QKI: variants seen among roughly 807,000 people sequenced by gnomAD.
The protein encoded by QKI is QKI, KH domain containing RNA binding, also known as KH domain-containing RNA-binding protein QKI.
Under a neutral mutation model 39.0 loss-of-function variants are expected in QKI, and 10 were observed. The ratio of observed to expected loss-of-function variants is 0.26; its 90% CI spans 0.16 to 0.43. The LOEUF is 0.43. Ranked by LOEUF, QKI falls within the 20% of genes least tolerant of loss-of-function variation. The pLI is 1.00. For synonymous variants in QKI, 204 were observed against 155.4 expected, an observed-to-expected ratio of 1.31 and a Z score of -2.33; for missense variants, 218 against 428.0, an observed-to-expected ratio of 0.51 and a Z score of 4.33.
intron 1 of QKI, among the ~76,000 whole-genome samples, chr6:163,433,299 T>C (rs768264527): frequency 1.8e-4 from 28 of 152,146 alleles, no homozygotes; most frequent in Non-Finnish European, 3.5e-4. Flanking sequence ...GCTTGAAGCC[T>C]GAGAAGGGGG....
At chr6:163,524,585 C>T (rs1780360721) in intron 3 of QKI, among the ~76,000 whole-genome samples, 1 of 152,182 alleles carries the variant, frequency 6.6e-6, no homozygotes, top group African/African-American at 2.4e-5. Flanking sequence ...TCTCCTGCCT[C>T]AGCCTCCCTA....
intron 3 of QKI, among the ~76,000 whole-genome samples, chr6:163,532,046 A>G (rs983181040): frequency 6.6e-6 from 1 of 152,236 alleles, no homozygotes; most frequent in Non-Finnish European, 1.5e-5. Context: ...CAAGTGTTTT[A>G]CACCTTAAAA....
chr6:163,534,121 C>T (rs1410264462), intron 3 of QKI, among the ~76,000 whole-genome samples: 1 of 152,104 alleles, frequency 6.6e-6, no homozygotes, highest in Non-Finnish European at 1.5e-5. Flanking sequence ...AAAACACTTT[C>T]TCTAAAACTT....
intron 2 of QKI, among the ~76,000 whole-genome samples, chr6:163,467,568 G>A (rs77166711): frequency 0.022 from 3,410 of 152,228 alleles, 42 homozygotes; most frequent in Non-Finnish European, 0.034. Flanking sequence ...TACGTAACAT[G>A]TGCCATGTGT....
At chr6:163,520,009 A>C (rs1780052551) in intron 3 of QKI, among the ~76,000 whole-genome samples, 1 of 152,176 alleles carries the variant, frequency 6.6e-6, no homozygotes, top group South Asian at 2.1e-4. Context: ...TACCCTTTGA[A>C]AATACTTTCT....
intron 1 of QKI, among the ~76,000 whole-genome samples, chr6:163,434,183 A>G (rs1212782562): frequency 6.6e-6 from 1 of 152,154 alleles, no homozygotes; most frequent in African/African-American, 2.4e-5. Flanking sequence ...TAATGAAAAT[A>G]GAAGCTGCAA....
At chr6:163,545,014 C>G (rs1056773780) in intron 4 of QKI, among the ~76,000 whole-genome samples, 2 of 152,032 alleles carry the variant, frequency 1.3e-5, no homozygotes, top group Admixed American at 6.6e-5. Context: ...AGATAATGTC[C>G]TAAAATCTCA....
intron 2 of QKI, among the ~76,000 whole-genome samples, chr6:163,470,016 A>C (rs1792064569): frequency 6.6e-6 from 1 of 152,206 alleles, no homozygotes; most frequent in Admixed American, 6.5e-5. Context: ...ATTCCAGGAA[A>C]ATAGGATACA....
chr6:163,538,216 A>C (rs947333683), intron 4 of QKI, among the ~76,000 whole-genome samples: 1 of 152,228 alleles, frequency 6.6e-6, no homozygotes, highest in African/African-American at 2.4e-5. Flanking sequence ...CTGACCAGCA[A>C]AGTGCCTGCC....
intron 4 of QKI, among the ~76,000 whole-genome samples, chr6:163,542,521 T>C (rs914771118): frequency 5.9e-5 from 9 of 152,034 alleles, no homozygotes; most frequent in African/African-American, 9.7e-5. Context: ...ATTGGGGAGA[T>C]AGAGTACTAA....
At chr6:163,416,534 G>A (rs1787519247) in intron 1 of QKI, 1 of 152,226 alleles carries the variant, frequency 6.6e-6, no homozygotes, top group Non-Finnish European at 1.5e-5. Flanking sequence ...AGAATTTCGA[G>A]ATTTTAAAAA....
At chr6:163,464,634 C>G (rs762371859) in intron 2 of QKI, among the ~76,000 whole-genome samples, 1 of 152,100 alleles carries the variant, frequency 6.6e-6, no homozygotes, top group African/African-American at 2.4e-5. Context: ...AGGACCACAT[C>G]ATGAAGGAAC....
chr6:163,504,265 G>A (rs1778960511), intron 3 of QKI, among the ~76,000 whole-genome samples: 1 of 152,052 alleles, frequency 6.6e-6, no homozygotes, highest in African/African-American at 2.4e-5. Context: ...CTGTAGCCTT[G>A]TATTATAGTT....
In QKI at chr6:163,415,088, A is replaced by G. The variant is rs1382318248; in HGVS notation, c.-106A>G. On this transcript the variant is annotated 5_prime_UTR_variant, in exon 1 of 8. Coordinates refer to ENST00000361752, the MANE Select transcript of QKI (RefSeq NM_006775.3). Reference sequence around the variant, plus strand: ...AGAGCGGGAGCCGGCGCGGAGCGGGACGCCGGGTCCCGAGCGGCCCGCGGC... The same window carrying G: ...AGAGCGGGAGCCGGCGCGGAGCGGGGCGCCGGGTCCCGAGCGGCCCGCGGC... 4.1e-6 allele frequency: 4 copies of G among 981,238 alleles called. No individual in the cohort carries two copies. Among genetic ancestry groups the G allele is most frequent in the Non-Finnish European group, 4.9e-6 (4 of 823,878 alleles). The allele number at this position is 981,238 out of a possible 1,614,324, so 60.8% of individuals were successfully genotyped here.
chr6:163,496,970 C>T (rs1345347302), intron 3 of QKI, among the ~76,000 whole-genome samples: 1 of 152,086 alleles, frequency 6.6e-6, no homozygotes, highest in African/African-American at 2.4e-5. Context: ...GGAATATGTT[C>T]ATTGAGAGCA....
intron 1 of QKI, among the ~76,000 whole-genome samples, chr6:163,422,669 G>A (rs545089874): frequency 6.6e-6 from 1 of 152,358 alleles, no homozygotes; most frequent in South Asian, 2.1e-4. Context: ...GGGCATGTGT[G>A]TGCAGGCATT....
chr6:163,500,119 A>AAGG (rs1181970323), intron 3 of QKI, among the ~76,000 whole-genome samples: 1 of 152,190 alleles, frequency 6.6e-6, no homozygotes, highest in Admixed American at 6.5e-5. Context: ...CAAAGTCAGC[A>AAGG]AGGGTGGAAA....
chr6:163,542,073 C>T lies in QKI; in HGVS notation c.546+6948C>T, dbSNP rs576708068. 1.1e-3 allele frequency among the ~76,000 whole-genome samples: 169 copies of T among 151,976 alleles called. 10 individuals are homozygous for T. In the South Asian group the frequency reaches 0.034, roughly 30 times the overall value. On this transcript the variant is annotated intron_variant, in intron 4 of 7. Coordinates refer to ENST00000361752, the MANE Select transcript of QKI (RefSeq NM_006775.3). ...TTCTGTTCCTTCCCTACAAAATGTA[C>T]CCTGTTTGCTAGTCATGATTTTGTC... is the stretch of plus-strand genomic sequence containing the variant.
At chr6:163,517,065 CTCTCTCTCTCTCTCTT>C (rs1407965985) in intron 3 of QKI, among the ~76,000 whole-genome samples, 2,816 of 81,828 alleles carry the variant, frequency 0.034, 88 homozygotes, top group African/African-American at 0.14. Flanking sequence ...CTCACTCTCT[CTCTCTCTCTCTCTCTT>C]TCTCTCTCTC....
Sources: gnomAD v4.1 joint callset for allele counts (sites outside exome capture counted in the v4.1 genomes callset) on GRCh38, gnomAD v4.1.1 for gene constraint, MANE v1.5 for transcripts, NCBI Gene and HGNC (gene_info 2026-07-23, HGNC 2026-07-21) for gene names.